AMBRA1: variants seen among roughly 807,000 people sequenced by gnomAD.
AMBRA1 encodes the protein autophagy and beclin 1 regulator 1, also known as activating molecule in BECN1-regulated autophagy protein 1.
A neutral mutation model predicts 125.4 loss-of-function variants in AMBRA1; 47 were observed. The ratio of observed to expected loss-of-function variants is 0.37; its 90% CI spans 0.30 to 0.48. The LOEUF (loss-of-function observed/expected upper bound fraction) is 0.48. Among genes scored for constraint, AMBRA1 ranks in the 20% least tolerant of loss-of-function variants. The probability of loss-of-function intolerance (pLI) is 0.99; values close to 1 mark genes in which losing one functional copy is unlikely to be tolerated. For missense variants in AMBRA1, 1,331 were observed against 1,693.4 expected, an observed-to-expected ratio of 0.79 and a Z score of 3.76; for synonymous variants, 626 against 655.5, an observed-to-expected ratio of 0.95 and a Z score of 0.69.
At chr11:46,449,012 G>C (rs1590833728) in intron 11 of AMBRA1, among the ~76,000 whole-genome samples, 1 of 152,102 alleles carries the variant, frequency 6.6e-6, no homozygotes, top group Non-Finnish European at 1.5e-5. Flanking sequence ...AACATTTAAG[G>C]AAGAAATTGT....
chr11:46,467,490 C>T (rs1949377107), intron 11 of AMBRA1, among the ~76,000 whole-genome samples: 1 of 151,452 alleles, frequency 6.6e-6, no homozygotes, highest in African/African-American at 2.4e-5. Flanking sequence ...TTTTCCCATT[C>T]TCTTTTTACA....
Position 46,512,863 on chromosome 11 carries a change from G to A in AMBRA1, c.2073-50C>T, listed in dbSNP as rs749258179. 3.3e-6 allele frequency: 5 copies of A among 1,526,270 alleles called. No individual in the cohort carries two copies. The South Asian group carries it at 4.7e-5, about 14-fold the overall frequency. 94.5% of individuals were successfully genotyped at this position (1,526,270 alleles called of 1,614,324 possible). A position where few individuals can be genotyped will look rare whatever the true frequency, so the allele number is the denominator to read the frequency against. ...ATAATCCCTGTCAATTACCAACTCA[G>A]AGGTCATTCATAAGGAAAAATGAGG... On this transcript the variant is annotated intron_variant, in intron 7 of 17. Coordinates refer to ENST00000683756, the MANE Select transcript of AMBRA1 (RefSeq NM_001387011.1).
intron 7 of AMBRA1, among the ~76,000 whole-genome samples, chr11:46,539,746 A>C (rs1952645822): frequency 6.6e-6 from 1 of 152,176 alleles, no homozygotes; most frequent in Non-Finnish European, 1.5e-5. Flanking sequence ...TGACTTGCAT[A>C]GAGTCGTTGT....
intron 14 of AMBRA1, among the ~76,000 whole-genome samples, chr11:46,425,027 G>A (rs936280875): frequency 6.6e-6 from 1 of 152,154 alleles, no homozygotes; most frequent in African/African-American, 2.4e-5. Flanking sequence ...CCAGCTACCT[G>A]GGAGGCTGAG....
rs574230241 is a variant in AMBRA1 at position 46,463,869 on chromosome 11, G to A, written c.2522-20271C>T. On this transcript the variant is annotated intron_variant, in intron 11 of 17. Coordinates refer to ENST00000683756, the MANE Select transcript of AMBRA1 (RefSeq NM_001387011.1). ...AACGTAACAAAAAAATTCCTGCTCT[G>A]GCCTGTGGAAGATCCAAGTGGGTGC... 4.6e-5 allele frequency among the ~76,000 whole-genome samples: 7 copies of A among 152,260 alleles called. No homozygotes were observed. The East Asian group carries it at 1.4e-3, about 29-fold the overall frequency.
intron 9 of AMBRA1, among the ~76,000 whole-genome samples, chr11:46,497,817 G>GA (rs969823042): frequency 1.1e-4 from 17 of 152,276 alleles, no homozygotes; most frequent in Admixed American, 2.0e-4. Context: ...ACTAAAGGCA[G>GA]AAACAGTAAC....
At chr11:46,586,088 G>C (rs1167321476) in intron 1 of AMBRA1, among the ~76,000 whole-genome samples, 5 of 152,112 alleles carry the variant, frequency 3.3e-5, no homozygotes, top group Non-Finnish European at 5.9e-5. Context: ...ACAGGCATTA[G>C]CCACTGCACC....
intron 11 of AMBRA1, among the ~76,000 whole-genome samples, chr11:46,473,448 G>A (rs1197078540): frequency 1.3e-5 from 2 of 152,204 alleles, no homozygotes; most frequent in Non-Finnish European, 2.9e-5. Flanking sequence ...TTCTCTGATA[G>A]GATGAGTATT....
At chr11:46,575,576 G>C (rs1450664960) in intron 1 of AMBRA1, among the ~76,000 whole-genome samples, 3 of 140,382 alleles carry the variant, frequency 2.1e-5, no homozygotes, top group African/African-American at 8.2e-5. Flanking sequence ...GAGTACAATG[G>C]TATGATCTCG....
At chr11:46,571,789 A>T (rs2043768808) in intron 1 of AMBRA1, among the ~76,000 whole-genome samples, 1 of 150,596 alleles carries the variant, frequency 6.6e-6, no homozygotes, top group South Asian at 2.1e-4. Context: ...TCCCAGGTTC[A>T]AGAGATTCTC....
intron 1 of AMBRA1, among the ~76,000 whole-genome samples, chr11:46,558,527 C>T (rs866400039): frequency 7.2e-5 from 9 of 124,962 alleles, no homozygotes; most frequent in African/African-American, 1.3e-4. Flanking sequence ...CCAGCCTGGG[C>T]GACACAGCCA....
intron 1 of AMBRA1, among the ~76,000 whole-genome samples, chr11:46,552,135 G>A (rs189532036): frequency 7.2e-4 from 108 of 150,784 alleles, no homozygotes; most frequent in Non-Finnish European, 9.2e-4. Context: ...TTGGAAGGCC[G>A]AGGCAGGCAG....
At chr11:46,531,333 G>A (rs1952208541) in intron 7 of AMBRA1, among the ~76,000 whole-genome samples, 2 of 152,206 alleles carry the variant, frequency 1.3e-5, no homozygotes, top group Admixed American at 1.3e-4. Context: ...TGATATAGAG[G>A]GTAGGGCAGG....
intron 9 of AMBRA1, among the ~76,000 whole-genome samples, chr11:46,500,332 C>T (rs1468096670): frequency 6.6e-6 from 1 of 152,058 alleles, no homozygotes; most frequent in Admixed American, 6.5e-5. Flanking sequence ...TCAGGAAGCT[C>T]GTTCCCCTAA....
At chr11:46,514,441 A>G (rs113425036) in intron 7 of AMBRA1, among the ~76,000 whole-genome samples, 6,319 of 152,284 alleles carry the variant, frequency 0.041, 447 homozygotes, top group African/African-American at 0.14. Context: ...AACAGAGAGA[A>G]CACAATGTAA....
At chr11:46,428,707 G>A (rs188290494) in intron 14 of AMBRA1, 47 of 1,605,964 alleles carry the variant, frequency 2.9e-5, no homozygotes, top group African/African-American at 1.9e-4. Context: ...ACTGGAATTC[G>A]GTTGCTGACC....
At chr11:46,547,700 G>T (rs1035298466) in intron 3 of AMBRA1, 117 bp downstream of exon 3, 2 of 961,864 alleles carry the variant, frequency 2.1e-6, no homozygotes. Context: ...GGGCCAAAGT[G>T]CTGTTCATAC....
At chr11:46,490,800 T>C (rs542739023) in intron 11 of AMBRA1, among the ~76,000 whole-genome samples, 53 of 152,268 alleles carry the variant, frequency 3.5e-4, no homozygotes, top group African/African-American at 1.3e-3. Context: ...GTCTGTCTTA[T>C]TCACTCTGGT....
At chr11:46,434,030 G>A (rs142200289) in intron 13 of AMBRA1, among the ~76,000 whole-genome samples, 2 of 147,484 alleles carry the variant, frequency 1.4e-5, no homozygotes, top group East Asian at 2.0e-4. Context: ...CAGGAGAATC[G>A]CTTGAACCCG....
Sources: allele counts gnomAD v4.1 joint callset (sites outside exome capture counted in the v4.1 genomes callset), GRCh38; gene constraint gnomAD v4.1.1; transcripts MANE v1.5; gene names NCBI Gene and HGNC (gene_info 2026-07-23, HGNC 2026-07-21).